PRKACB: variants seen among roughly 807,000 people sequenced by gnomAD.
PRKACB encodes cAMP-dependent protein kinase catalytic subunit beta.
A neutral mutation model predicts 51.4 loss-of-function variants in PRKACB; 16 were observed. That is an observed-to-expected ratio of 0.31 (90% CI 0.21 to 0.47). The LOEUF (loss-of-function observed/expected upper bound fraction) is 0.47. Ranked by LOEUF, PRKACB falls within the 20% of genes least tolerant of loss-of-function variation. PRKACB has a pLI of 1.00. For missense variants in PRKACB, 309 were observed against 464.5 expected (o/e 0.67, Z 3.08); for synonymous variants, 147 against 154.4 (o/e 0.95, Z 0.35).
intron 1 of PRKACB, among the ~76,000 whole-genome samples, chr1:84,132,654 C>T (rs539370321): frequency 2.8e-4 from 43 of 152,088 alleles, no homozygotes; most frequent in South Asian, 2.3e-3. Flanking sequence ...TGTAAGAGCA[C>T]AGGAGATACA....
intron 1 of PRKACB, among the ~76,000 whole-genome samples, chr1:84,154,273 C>G (rs1406165773): frequency 6.6e-6 from 1 of 152,036 alleles, no homozygotes; most frequent in Admixed American, 6.6e-5. Context: ...AATATGAACT[C>G]CTTATTAGAT....
At chr1:84,105,210 T>C (rs1649638052) in intron 1 of PRKACB, among the ~76,000 whole-genome samples, 1 of 152,174 alleles carries the variant, frequency 6.6e-6, no homozygotes, top group Non-Finnish European at 1.5e-5. Flanking sequence ...GCACTGTTAA[T>C]TGGAAGTCTT....
chr1:84,118,085 G>C (rs774914924), intron 1 of PRKACB, among the ~76,000 whole-genome samples: 2 of 152,120 alleles, frequency 1.3e-5, no homozygotes, highest in African/African-American at 2.4e-5. Context: ...ATTCCTGTTG[G>C]TAAAGGAGTT....
chr1:84,165,163 T>C, intron 1 of PRKACB: 1 of 596,418 alleles, frequency 1.7e-6, no homozygotes, highest in South Asian at 3.4e-5. Flanking sequence ...TTATAGTAAA[T>C]TGCCTTCAAA....
At chr1:84,093,167 C>T (rs1238698835) in intron 1 of PRKACB, among the ~76,000 whole-genome samples, 4 of 151,936 alleles carry the variant, frequency 2.6e-5, no homozygotes, top group Non-Finnish European at 5.9e-5. Flanking sequence ...TTAAGAAGTT[C>T]TCACTACCCT....
intron 1 of PRKACB, among the ~76,000 whole-genome samples, chr1:84,088,354 C>G (rs1197786580): frequency 6.6e-6 from 1 of 152,182 alleles, no homozygotes; most frequent in Admixed American, 6.5e-5. Flanking sequence ...TTTTCTCGAT[C>G]TGGACTTTGT....
intron 1 of PRKACB, among the ~76,000 whole-genome samples, chr1:84,087,027 A>G (rs1648063783): frequency 1.3e-5 from 2 of 152,268 alleles, no homozygotes; most frequent in Admixed American, 1.3e-4. Flanking sequence ...ATGTTCTACT[A>G]CAAGTAAAGG....
intron 5 of PRKACB, among the ~76,000 whole-genome samples, chr1:84,189,767 A>G (rs1666204890): frequency 1.3e-5 from 2 of 152,006 alleles, no homozygotes; most frequent in Admixed American, 1.3e-4. Flanking sequence ...ATGGCTGTCA[A>G]AGAAACAGAT....
chr1:84,078,188 C>T, exon 1 of PRKACB: 1 of 947,020 alleles, frequency 1.1e-6, no homozygotes. Context: ...TCTTCGCGCC[C>T]GGACTCCTGG....
chr1:84,129,349 A>G (rs987736422), intron 1 of PRKACB, among the ~76,000 whole-genome samples: 2 of 152,256 alleles, frequency 1.3e-5, no homozygotes, highest in Non-Finnish European at 2.9e-5. Context: ...ATTTGAAAAT[A>G]TATCAGTTTG....
chr1:84,204,383 T>C, intron 8 of PRKACB: 2 of 902,128 alleles, frequency 2.2e-6, no homozygotes, highest in Non-Finnish European at 3.6e-6. Flanking sequence ...CAGAATGCAG[T>C]ACTTATTTAA....
At chr1:84,179,073 A>G (rs774399622) in intron 1 of PRKACB, 104 bp from the exon 2 acceptor site, 16 of 1,266,912 alleles carry the variant, frequency 1.3e-5, no homozygotes, top group Non-Finnish European at 1.5e-5. Flanking sequence ...ACAATAGATG[A>G]CATGTCTTTT....
At chr1:84,087,870 A>G (rs569612247) in intron 1 of PRKACB, among the ~76,000 whole-genome samples, 38 of 152,298 alleles carry the variant, frequency 2.5e-4, no homozygotes, top group African/African-American at 9.1e-4. Context: ...TTAATTGGCT[A>G]TAATTAATTT....
chr1:84,181,110 G>T (rs890176895), intron 2 of PRKACB, among the ~76,000 whole-genome samples: 8 of 151,950 alleles, frequency 5.3e-5, no homozygotes, highest in African/African-American at 1.9e-4. Flanking sequence ...AAGTAAAACA[G>T]AATTGCCTGC....
intron 1 of PRKACB, among the ~76,000 whole-genome samples, chr1:84,122,101 G>A (rs1651133610): frequency 6.6e-6 from 1 of 151,906 alleles, no homozygotes; most frequent in African/African-American, 2.4e-5. Context: ...TTGAGGTAAG[G>A]GTGACCTCCT....
Position 84,183,969 on chromosome 1 carries a change from AT to A in PRKACB, c.379-61del, listed in dbSNP as rs530814509. 4.8e-4 allele frequency: 677 copies of A among 1,407,634 alleles called. 2 individuals are homozygous for A. In the African/African-American group the frequency reaches 8.4e-3, roughly 18 times the overall value. The allele number at this position is 1,407,634 out of a possible 1,614,324, so 87.2% of individuals were successfully genotyped here. On this transcript the variant is annotated intron_variant, in intron 3 of 9. Transcript: ENST00000370685. ...CCAAGTTTATTACTATATGGAAAAC[AT>A]TTTTTTAAATGATAACTTTTTAATT...
At chr1:84,098,233 T>C (rs948445462) in intron 1 of PRKACB, among the ~76,000 whole-genome samples, 4 of 152,142 alleles carry the variant, frequency 2.6e-5, no homozygotes, top group Admixed American at 1.3e-4. Context: ...AGAAATGTTA[T>C]ACGTACGCAT....
chr1:84,089,465 G>A (rs1571534036), intron 1 of PRKACB, among the ~76,000 whole-genome samples: 1 of 152,194 alleles, frequency 6.6e-6, no homozygotes, highest in East Asian at 1.9e-4. Context: ...CCAACCTTTT[G>A]AAAAATTTGT....
At position 84,208,558 on chromosome 1, in the gene PRKACB, T is replaced by G. The variant is rs374242444; in HGVS notation, c.907-5595T>G. ...CTGAGACAAGATGAAAGGAGGAACT[T>G]CCTATACTTTCCCAATGACTTTTCT... On this transcript the variant is annotated intron_variant, in intron 8 of 9. Transcript: ENST00000370685. 1.3e-3 allele frequency among the ~76,000 whole-genome samples: 204 copies of G among 152,310 alleles called. 2 individuals carry two copies. The highest frequency in any genetic ancestry group is 4.7e-3 in the African/African-American group (197 of 41,578).
Sources: allele counts gnomAD v4.1 joint callset (sites outside exome capture counted in the v4.1 genomes callset), GRCh38; gene constraint gnomAD v4.1.1; transcripts MANE v1.5; gene names NCBI Gene and HGNC (gene_info 2026-07-23, HGNC 2026-07-21).